FARS2: variants seen among roughly 807,000 people sequenced by gnomAD.
FARS2 encodes phenylalanine--tRNA ligase, mitochondrial.
Under a neutral mutation model 46.4 loss-of-function variants are expected in FARS2, and 40 were observed. That is an observed-to-expected ratio of 0.86 (90% confidence interval 0.67 to 1.12). The LOEUF is 1.12. Ranked by LOEUF, FARS2 falls within the 50% of genes most tolerant of loss-of-function variation. The pLI, the probability that FARS2 is intolerant of heterozygous loss-of-function variation, is 0.00. For synonymous variants in FARS2, 234 were observed against 214.9 expected, an observed-to-expected ratio of 1.09 and a Z score of -0.78; for missense variants, 513 against 567.9, an observed-to-expected ratio of 0.90 and a Z score of 0.98.
At chr6:5,716,391 C>G (rs924120055) in intron 6 of FARS2, among the ~76,000 whole-genome samples, 2 of 152,038 alleles carry the variant, frequency 1.3e-5, no homozygotes, top group Admixed American at 1.3e-4. Flanking sequence ...AGGGGATCCC[C>G]CCTACCCATT....
intron 4 of FARS2, among the ~76,000 whole-genome samples, chr6:5,459,189 A>G (rs1354286981): frequency 6.6e-6 from 1 of 152,238 alleles, no homozygotes; most frequent in East Asian, 1.9e-4. Flanking sequence ...TAAGAAAAAC[A>G]AATTAGTTTA....
At chr6:5,324,021 T>TC (rs1223829909) in intron 1 of FARS2, among the ~76,000 whole-genome samples, 1 of 151,968 alleles carries the variant, frequency 6.6e-6, no homozygotes, top group African/African-American at 2.4e-5. Flanking sequence ...CTAAAACTTC[T>TC]CCCTCACATG....
At chr6:5,759,331 A>C (rs1762371043) in intron 6 of FARS2, among the ~76,000 whole-genome samples, 1 of 152,056 alleles carries the variant, frequency 6.6e-6, no homozygotes, top group African/African-American at 2.4e-5. Flanking sequence ...GGCACCATGT[A>C]CCTTCCCTCC....
intron 4 of FARS2, among the ~76,000 whole-genome samples, chr6:5,498,285 G>T (rs1416549956): frequency 6.6e-6 from 1 of 152,192 alleles, no homozygotes; most frequent in Non-Finnish European, 1.5e-5. Context: ...TATTTGAGTG[G>T]TAGAGTTTTC....
intron 5 of FARS2, among the ~76,000 whole-genome samples, chr6:5,553,034 C>T (rs925090482): frequency 2.0e-5 from 3 of 152,184 alleles, no homozygotes; most frequent in African/African-American, 7.2e-5. Context: ...AATTACTCAA[C>T]ATTGTACATT....
rs114953402 is a variant in FARS2, at chr6:5,745,310, G to A, written c.1218-25981G>A. 3.6e-3 allele frequency among the ~76,000 whole-genome samples: 543 copies of A among 152,352 alleles called. 1 individual carries two copies. The highest frequency in any genetic ancestry group is 0.011 in the African/African-American group (445 of 41,586). ...CCCATGGCCTTGTGCCAGCCAGAGCGCACTAACAGTTGAGGTAGGCCATCT... is the reference window on the plus strand; with the variant it reads ...CCCATGGCCTTGTGCCAGCCAGAGCACACTAACAGTTGAGGTAGGCCATCT... On this transcript the variant is annotated intron_variant, in intron 6 of 6. Coordinates refer to ENST00000274680, the MANE Select transcript of FARS2 (RefSeq NM_006567.5).
At chr6:5,607,045 C>A (rs1467373525) in intron 5 of FARS2, among the ~76,000 whole-genome samples, 1 of 152,008 alleles carries the variant, frequency 6.6e-6, no homozygotes. Context: ...AGCACTGTCC[C>A]CCAACAAAGA....
intron 6 of FARS2, among the ~76,000 whole-genome samples, chr6:5,674,029 T>TA (rs1778621803): frequency 1.3e-5 from 2 of 151,958 alleles, no homozygotes; most frequent in African/African-American, 4.8e-5. Flanking sequence ...CCCAACCAAA[T>TA]ACTAGCCAAA....
At chr6:5,371,052 G>A (rs797149) in intron 2 of FARS2, 117,123 of 273,762 alleles carry the variant, frequency 0.43, 28,140 homozygotes, top group African/African-American at 0.75. Context: ...AACATGCCTA[G>A]AACTGGAACT....
intron 5 of FARS2, among the ~76,000 whole-genome samples, chr6:5,605,367 C>G (rs998252561): frequency 6.6e-6 from 1 of 152,140 alleles, no homozygotes; most frequent in Non-Finnish European, 1.5e-5. Context: ...AAGGGAGGCC[C>G]GAATCACTGC....
At position 5,765,597 on chromosome 6, in the gene FARS2, G is replaced by C. The variant is rs897113686; in HGVS notation, c.1218-5694G>C. Among the ~76,000 whole-genome samples, 1 of 152,176 alleles carries C rather than the reference G, an allele frequency of 6.6e-6. No individual in the cohort carries two copies. The highest frequency in any genetic ancestry group is 1.5e-5 in the Non-Finnish European group (1 of 68,020). On this transcript the variant is annotated intron_variant, in intron 6 of 6. Coordinates refer to ENST00000274680, the MANE Select transcript of FARS2 (RefSeq NM_006567.5). This position sits in a 1 kb window ranked among gnomAD's most constrained non-coding sequence, Gnocchi z 4.0. Reference sequence around the variant, plus strand: ...ACAAACAGCGCGTGTCAGTGTTCTCGGGGAGGTGGGAGAAATTATGCACTG... The same window carrying C: ...ACAAACAGCGCGTGTCAGTGTTCTCCGGGAGGTGGGAGAAATTATGCACTG...
At chr6:5,293,459 T>G (rs754142529) in intron 1 of FARS2, among the ~76,000 whole-genome samples, 40 of 152,154 alleles carry the variant, frequency 2.6e-4, no homozygotes, top group Non-Finnish European at 5.6e-4. Context: ...GGATTATTAC[T>G]TGACCATTCT....
intron 4 of FARS2, among the ~76,000 whole-genome samples, chr6:5,439,702 G>GTGGT (rs1231900205): frequency 6.6e-6 from 1 of 152,190 alleles, no homozygotes; most frequent in East Asian, 1.9e-4. Context: ...TGGAAACGTG[G>GTGGT]TGGTATTGGC....
intron 6 of FARS2, among the ~76,000 whole-genome samples, chr6:5,644,828 A>G (rs1470820790): frequency 6.6e-6 from 1 of 152,170 alleles, no homozygotes; most frequent in African/African-American, 2.4e-5. Flanking sequence ...TACCCTCTCC[A>G]AAAGGATTGA....
chr6:5,467,028 G>C (rs1765553454), intron 4 of FARS2: 1 of 985,020 alleles, frequency 1.0e-6, no homozygotes, highest in Admixed American at 6.1e-5. Context: ...ACAAATTAAA[G>C]TTTTATAGAT....
intron 6 of FARS2, among the ~76,000 whole-genome samples, chr6:5,728,314 C>T (rs1035772605): frequency 1.3e-5 from 2 of 151,950 alleles, no homozygotes; most frequent in African/African-American, 4.8e-5. Context: ...GTCTTGAGTG[C>T]TTTCACTCAG....
At chr6:5,621,500 G>A (rs1274257937) in intron 6 of FARS2, among the ~76,000 whole-genome samples, 7 of 152,194 alleles carry the variant, frequency 4.6e-5, no homozygotes, top group Non-Finnish European at 8.8e-5. Flanking sequence ...CCAGTTTCTT[G>A]CATGTAATTA....
intron 2 of FARS2, among the ~76,000 whole-genome samples, chr6:5,380,656 C>T (rs1308408105): frequency 6.6e-6 from 1 of 152,136 alleles, no homozygotes; most frequent in African/African-American, 2.4e-5. Flanking sequence ...CCAGATACCC[C>T]AGTCTACTCA....
At chr6:5,263,136 A>G (rs1189184683) in intron 1 of FARS2, among the ~76,000 whole-genome samples, 4 of 152,206 alleles carry the variant, frequency 2.6e-5, no homozygotes, top group Non-Finnish European at 4.4e-5. Context: ...TTATTTTATT[A>G]TATTTTGCTT....
Sources: allele counts gnomAD v4.1 joint callset (sites outside exome capture counted in the v4.1 genomes callset), GRCh38; gene constraint gnomAD v4.1.1; non-coding constraint Gnocchi (gnomAD v3.1); transcripts MANE v1.5; gene names NCBI Gene and HGNC (gene_info 2026-07-23, HGNC 2026-07-21).